The following BCKDHB variants were observed in gnomAD, a reference collection of about 807,000 sequenced individuals.
BCKDHB encodes the protein branched chain keto acid dehydrogenase E1 subunit beta.
A neutral mutation model predicts 48.5 loss-of-function variants in BCKDHB; 41 were observed. That is an observed-to-expected ratio of 0.85 (90% CI 0.66 to 1.10). The LOEUF is 1.10. Among genes scored for constraint, BCKDHB ranks in the 50% least tolerant of loss-of-function variants. The pLI is 0.00. For missense variants in BCKDHB, 496 were observed against 494.2 expected, an observed-to-expected ratio of 1.00 and a Z score of -0.03; for synonymous variants, 201 against 174.8, an observed-to-expected ratio of 1.15 and a Z score of -1.18.
chr6:80,403,501 A>G, the BCKDHB span, among the ~76,000 whole-genome samples: 1 of 151,876 alleles, frequency 6.6e-6, no homozygotes, highest in Non-Finnish European at 1.5e-5. Context: ...GGTTTTCTTT[A>G]TATAAGATCA....
At position 80,200,963 on chromosome 6, in the gene BCKDHB, A is replaced by G. The variant is rs201673603; in HGVS notation, c.772A>G (p.Ile258Val). 6.2e-7 allele frequency: 1 copy of G among 1,612,556 alleles called. No homozygotes were observed. Among genetic ancestry groups the G allele is most frequent in the Non-Finnish European group, 8.5e-7 (1 of 1,179,044 alleles). The change falls in exon 7 of 10, where the codon ATC becomes GTC. Residue 258 changes from isoleucine to valine, a missense_variant. By Grantham distance (29) the Ile-to-Val change is conservative. Coordinates refer to ENST00000320393, the MANE Select transcript of BCKDHB (RefSeq NM_183050.4). Reference sequence around the variant, plus strand: ...AGAAGTCCCTATAGAACCATACAACATCCCACTGTCCCAGGCCGAAGTCAT... The same window carrying G: ...AGAAGTCCCTATAGAACCATACAACGTCCCACTGTCCCAGGCCGAAGTCAT... Reference protein sequence around the residue: ...AEEVPIEPYNIPLSQAEVIQE... With the variant: ...AEEVPIEPYNVPLSQAEVIQE...
intron 3 of BCKDHB, among the ~76,000 whole-genome samples, chr6:80,155,876 G>A (rs1275568302): frequency 1.4e-5 from 2 of 141,178 alleles, no homozygotes; most frequent in African/African-American, 2.7e-5. Flanking sequence ...TTTTTTGAGT[G>A]CTTGGTTGTT....
chr6:80,200,865 A>T, intron 6 of BCKDHB, 69 bp from the exon 7 acceptor site: 1 of 1,263,696 alleles, frequency 7.9e-7, no homozygotes, highest in Non-Finnish European at 1.1e-6. Context: ...TGAGCTTCTT[A>T]AATTATTTTA....
intron 6 of BCKDHB, among the ~76,000 whole-genome samples, chr6:80,200,268 T>G (rs1774327720): frequency 6.6e-6 from 1 of 152,100 alleles, no homozygotes; most frequent in South Asian, 2.1e-4. Context: ...TTTGGCTTGG[T>G]AGAGCTGATT....
In BCKDHB at chr6:80,248,734, C is replaced by T. The variant is rs73482051; in HGVS notation, c.952-24401C>T. Among the ~76,000 whole-genome samples the T allele has an allele frequency of 4.5e-3, 678 of 152,162 alleles. 5 individuals carry two copies. The highest frequency in any genetic ancestry group is 0.016 in the African/African-American group (649 of 41,518). ...TGGCTGGTGTGGTACCTTAGAGAGGCTCTCACTCCAAGTGGCAGATCTAGG... is the reference window on the plus strand; with the variant it reads ...TGGCTGGTGTGGTACCTTAGAGAGGTTCTCACTCCAAGTGGCAGATCTAGG... On this transcript the variant is annotated intron_variant, in intron 8 of 9. Transcript: ENST00000320393.
the BCKDHB span, among the ~76,000 whole-genome samples, chr6:80,388,781 A>G: frequency 2.6e-5 from 4 of 152,198 alleles, no homozygotes; most frequent in Admixed American, 2.6e-4. Flanking sequence ...ATTCTGCACG[A>G]TATGCAGGCA....
At chr6:80,338,938 A>G (rs759241662) in intron 9 of BCKDHB, among the ~76,000 whole-genome samples, 1 of 152,172 alleles carries the variant, frequency 6.6e-6, no homozygotes, top group Non-Finnish European at 1.5e-5. Context: ...TCACAATGGA[A>G]CAAAGATCCC....
chr6:80,312,883 A>C (rs1159687369), intron 9 of BCKDHB, among the ~76,000 whole-genome samples: 2 of 152,036 alleles, frequency 1.3e-5, no homozygotes, highest in Admixed American at 6.5e-5. Flanking sequence ...ATATTGGCCT[A>C]AAGTTTTTTG....
intron 1 of BCKDHB, among the ~76,000 whole-genome samples, chr6:80,124,107 G>T (rs1394013290): frequency 1.3e-5 from 2 of 152,122 alleles, no homozygotes; most frequent in African/African-American, 4.8e-5. Context: ...TGCTCTCATT[G>T]ATTTCAAAGA....
chr6:80,398,848 A>G, the BCKDHB span, among the ~76,000 whole-genome samples: 14 of 152,328 alleles, frequency 9.2e-5, no homozygotes, highest in Admixed American at 7.2e-4. Flanking sequence ...AATCTTGAGC[A>G]AAATACTTCC....
At chr6:80,395,234 G>A in the BCKDHB span, among the ~76,000 whole-genome samples, 77 of 152,296 alleles carry the variant, frequency 5.1e-4, no homozygotes, top group African/African-American at 1.9e-3. Context: ...GGAGGGCTCA[G>A]AAGAAGACAA....
chr6:80,279,674 C>T (rs1778118819), intron 9 of BCKDHB, among the ~76,000 whole-genome samples: 2 of 151,444 alleles, frequency 1.3e-5, no homozygotes, highest in Non-Finnish European at 1.5e-5. Context: ...TTTTTGACTC[C>T]AGTATGCAGA....
chr6:80,455,630 C>G, the BCKDHB span, among the ~76,000 whole-genome samples: 13 of 151,562 alleles, frequency 8.6e-5, no homozygotes, highest in Non-Finnish European at 1.3e-4. Context: ...CTAGCTAACT[C>G]CACAAGACAT....
intron 1 of BCKDHB, among the ~76,000 whole-genome samples, chr6:80,114,503 C>T (rs913805772): frequency 2.0e-5 from 3 of 152,054 alleles, no homozygotes; most frequent in African/African-American, 7.2e-5. Context: ...CTTGCTTTGG[C>T]CTCCCGAAGT....
chr6:80,225,253 T>C lies in BCKDHB; in HGVS notation c.951+22041T>C, dbSNP rs547902853. 3.0e-3 allele frequency among the ~76,000 whole-genome samples: 455 copies of C among 152,308 alleles called. 1 individual carries two copies. The highest frequency in any genetic ancestry group is 0.011 in the African/African-American group (440 of 41,584). ...TTAAAATGGTCCTTTAGATATGGCT[T>C]GAGTAGCTGAATGCCTAGTAGAGCT... is the stretch of plus-strand genomic sequence containing the variant. On this transcript the variant is annotated intron_variant, in intron 8 of 9. Coordinates refer to ENST00000320393, the MANE Select transcript of BCKDHB (RefSeq NM_183050.4).
intron 9 of BCKDHB, among the ~76,000 whole-genome samples, chr6:80,323,994 G>A (rs1358221080): frequency 6.6e-6 from 1 of 152,058 alleles, no homozygotes; most frequent in African/African-American, 2.4e-5. Context: ...GGGTGGTCTC[G>A]ATCTCCTGAC....
the BCKDHB span, among the ~76,000 whole-genome samples, chr6:80,452,192 T>C: frequency 6.6e-6 from 1 of 152,198 alleles, no homozygotes; most frequent in African/African-American, 2.4e-5. Flanking sequence ...ACATCACATC[T>C]GCCCATGTTC....
At position 80,211,936 on chromosome 6, in the gene BCKDHB, A is replaced by G. The variant is rs190793308; in HGVS notation, c.951+8724A>G. ...GGGGAGGGGGTGTAAAACAGGGAGT[A>G]GATACAAAGATCACATGCTTCAAAA... On this transcript the variant is annotated intron_variant, in intron 8 of 9. Transcript: ENST00000320393. 1.3e-3 allele frequency among the ~76,000 whole-genome samples: 202 copies of G among 152,280 alleles called. 1 individual carries two copies. Among genetic ancestry groups the G allele is most frequent in the Non-Finnish European group, 2.1e-3 (144 of 68,018 alleles).
At chr6:80,450,834 C>T in the BCKDHB span, among the ~76,000 whole-genome samples, 1 of 152,108 alleles carries the variant, frequency 6.6e-6, no homozygotes, top group Non-Finnish European at 1.5e-5. Flanking sequence ...CATCTCTAGT[C>T]TTCAGAATAC....
Sources: allele counts gnomAD v4.1 joint callset (sites outside exome capture counted in the v4.1 genomes callset), GRCh38; gene constraint gnomAD v4.1.1; transcripts MANE v1.5; gene names NCBI Gene and HGNC (gene_info 2026-07-23, HGNC 2026-07-21).